The following ATAD5 variants were observed in gnomAD, a reference collection of about 807,000 sequenced individuals.
ATAD5 encodes ATPase family AAA domain containing 5.
A neutral mutation model predicts 176.9 loss-of-function variants in ATAD5; 58 were observed. The ratio of observed to expected loss-of-function variants is 0.33; its 90% CI spans 0.27 to 0.41. The LOEUF (loss-of-function observed/expected upper bound fraction) is 0.41. ATAD5 is among the 10% of genes least tolerant of loss of function. The pLI, the probability that ATAD5 is intolerant of heterozygous loss-of-function variation, is 1.00. For synonymous variants in ATAD5, 640 were observed against 712.6 expected (o/e 0.90, Z 1.62); for missense variants, 1,789 against 2,094.1 (o/e 0.85, Z 2.84).
chr17:30,885,427 A>G lies in ATAD5; in HGVS notation c.4078-1765A>G, dbSNP rs1303850078. Among the ~76,000 whole-genome samples the G allele has an allele frequency of 5.3e-5, 8 of 151,818 alleles. No individual in the cohort carries two copies. The East Asian group carries it at 1.5e-3, about 29-fold the overall frequency. ...CTTTCCTTTGTTTTTTCTGCCTTTTATTTCTTTTTGTTGCCTTATTTCATT... is the reference window on the plus strand; with the variant it reads ...CTTTCCTTTGTTTTTTCTGCCTTTTGTTTCTTTTTGTTGCCTTATTTCATT... On this transcript the variant is annotated intron_variant, in intron 18 of 22. Coordinates refer to ENST00000321990, the MANE Select transcript of ATAD5 (RefSeq NM_024857.5).
chr17:30,841,223 T>C (rs910240032), intron 4 of ATAD5, among the ~76,000 whole-genome samples: 3 of 152,166 alleles, frequency 2.0e-5, no homozygotes, highest in Non-Finnish European at 2.9e-5. Flanking sequence ...TTGGCCAGGC[T>C]GGTTTTGAAC....
chr17:30,861,124 T>C (rs926004552), intron 10 of ATAD5, among the ~76,000 whole-genome samples: 28 of 151,592 alleles, frequency 1.8e-4, no homozygotes, highest in African/African-American at 6.5e-4. Flanking sequence ...ATTTTTATAT[T>C]TTTAGTAGAG....
chr17:30,877,937 T>TG, intron 16 of ATAD5, 66 bp from the exon 17 acceptor site: 1 of 1,132,178 alleles, frequency 8.8e-7, no homozygotes, highest in Non-Finnish European at 1.3e-6. Flanking sequence ...ACATAGAATA[T>TG]TTACTATGTA....
chr17:30,892,926 C>G (rs1389143361), intron 20 of ATAD5, 138 bp downstream of exon 20: 2 of 711,946 alleles, frequency 2.8e-6, no homozygotes, highest in African/African-American at 3.7e-5. Context: ...CTGATTTTAA[C>G]ACATCCTACC....
intron 20 of ATAD5, 88 bp from the exon 21 acceptor site, chr17:30,893,206 A>T (rs1909726887): frequency 1.5e-6 from 2 of 1,342,086 alleles, no homozygotes; most frequent in Non-Finnish European, 2.0e-6. Context: ...TTGAATTTAG[A>T]ATAGGGATAA....
chr17:30,853,034 C>T (rs1430210223), intron 6 of ATAD5, among the ~76,000 whole-genome samples: 1 of 151,760 alleles, frequency 6.6e-6, no homozygotes, highest in Non-Finnish European at 1.5e-5. Context: ...GGATTACAGG[C>T]GCCTGCCACC....
chr17:30,850,371 T>C (rs1436111501), intron 6 of ATAD5, among the ~76,000 whole-genome samples: 1 of 151,376 alleles, frequency 6.6e-6, no homozygotes, highest in African/African-American at 2.4e-5. Flanking sequence ...CTTTTTTTTT[T>C]TTTTTTAAAG....
intron 14 of ATAD5, among the ~76,000 whole-genome samples, chr17:30,873,508 C>T (rs1387467562): frequency 6.6e-6 from 1 of 151,488 alleles, no homozygotes; most frequent in East Asian, 1.9e-4. Context: ...AGTAGAGACA[C>T]GGTTTCACCA....
intron 10 of ATAD5, among the ~76,000 whole-genome samples, 173 bp from the exon 11 acceptor site, chr17:30,865,531 G>T (rs1211888794): frequency 6.6e-6 from 1 of 151,988 alleles, no homozygotes; most frequent in Non-Finnish European, 1.5e-5. Flanking sequence ...GAAGGGTTTG[G>T]TGTGAAGAAT....
chr17:30,873,689 CTTTT>C (rs775055653), intron 14 of ATAD5, among the ~76,000 whole-genome samples: 17 of 129,582 alleles, frequency 1.3e-4, no homozygotes, highest in Admixed American at 7.9e-4. Flanking sequence ...TAAAAATTGC[CTTTT>C]TTTTTTTTTT....
Position 30,894,079 on chromosome 17 carries a change from C to G in ATAD5, c.5226C>G (p.Thr1742=), listed in dbSNP as rs1254750835. Residue 1742 remains threonine (T), a synonymous_variant, in exon 21 of 23, where the codon ACC becomes ACG. Transcript: ENST00000321990. The stretch of plus-strand genomic sequence containing the variant: ...GCAAGAAATTAGGAAGAGATCCAAC[C>G]AACGATCTTACTTTTTATGTTTCAC... ...NSCKKLGRDP[T]NDLTFYVSQK... is the part of the protein sequence containing the mutation. 6.2e-7 allele frequency: 1 copy of G among 1,607,066 alleles called. No homozygotes were observed. Among genetic ancestry groups the G allele is most frequent in the South Asian group, 1.1e-5 (1 of 90,502 alleles).
chr17:30,879,485 C>T lies in ATAD5; in HGVS notation c.4075C>T (p.Leu1359=), dbSNP rs774455157. The change falls in exon 18 of 23, where the codon CTG becomes TTG. Residue 1359 remains leucine, a splice_region_variant and synonymous_variant. Coordinates refer to ENST00000321990, the MANE Select transcript of ATAD5 (RefSeq NM_024857.5). ...AGAAATCAAGTTCAGTACTCCTTCC[C>T]TGGTAAGTTTTAAATTTTGATAGCC... ...FEEIKFSTPS[L]LNVASYLQMI... 8.8e-6 allele frequency: 14 copies of T among 1,586,770 alleles called. No individual in the cohort carries two copies. The Middle Eastern group carries it at 1.5e-3, about 171-fold the overall frequency.
chr17:30,869,638 A>G lies in ATAD5; in HGVS notation c.3599A>G (p.Lys1200Arg). ...PCFFNSYYIG[K>R]SPKKISSPKK... Reference sequence around the variant, plus strand: ...TTTTTTAATAGCTACTACATAGGCAAGTCACCAAGTAAGTAAACTATTTTC... The same window carrying G: ...TTTTTTAATAGCTACTACATAGGCAGGTCACCAAGTAAGTAAACTATTTTC... Residue 1200 changes from lysine to arginine, a missense_variant, in exon 14 of 23, where the codon AAG becomes AGG. Physicochemically the swap from Lys to Arg is conservative, Grantham distance 26 (BLOSUM62 2). This residue lies in a region of ATAD5 where 194 missense variants were observed against 270.1 expected (regional missense o/e 0.72). Transcript: ENST00000321990. 6.3e-7 allele frequency: 1 copy of G among 1,587,468 alleles called. No homozygotes were observed. Among genetic ancestry groups the G allele is most frequent in the Non-Finnish European group, 8.5e-7 (1 of 1,173,496 alleles).
At chr17:30,850,861 ATATATATATTTTTTTTTTTTTTTTTTTT>A (rs1906895891) in intron 6 of ATAD5, among the ~76,000 whole-genome samples, 1 of 26,178 alleles carries the variant, frequency 3.8e-5, no homozygotes, top group African/African-American at 1.3e-4. Context: ...ATATATATAT[ATATATATATTTTTTTTTTTTTTTTTTTT>A]TTTTTTTTTT....
chr17:30,832,548 A>G, intron 1 of ATAD5, 135 bp downstream of exon 1: 4 of 833,088 alleles, frequency 4.8e-6, no homozygotes, highest in Non-Finnish European at 6.8e-6. Flanking sequence ...GCTGTGACAC[A>G]TTGTGTGCAA....
intron 18 of ATAD5, among the ~76,000 whole-genome samples, chr17:30,885,536 C>T (rs1206396914): frequency 2.7e-5 from 4 of 150,310 alleles, no homozygotes; most frequent in Non-Finnish European, 4.4e-5. Context: ...AAAGTGTTTA[C>T]TATTTTACTG....
At chr17:30,834,015 A>G (rs1210352921) in intron 1 of ATAD5, 133 bp from the exon 2 acceptor site, 2 of 747,420 alleles carry the variant, frequency 2.7e-6, no homozygotes, top group African/African-American at 1.9e-5. Context: ...TCTTTCTAAT[A>G]TATCACGTTT....
chr17:30,892,701 T>C lies in ATAD5; in HGVS notation c.4353T>C (p.Leu1451=). Residue 1451 remains leucine, a synonymous_variant, in exon 20 of 23, where the codon CTT becomes CTC. Coordinates refer to ENST00000321990, the MANE Select transcript of ATAD5 (RefSeq NM_024857.5). Reference sequence around the variant, plus strand: ...ATACTAAAAAGAAACGTGTAGACCTTCCAAAATGTGACAGTGGCTGTGCTG... The same window carrying C: ...ATACTAAAAAGAAACGTGTAGACCTCCCAAAATGTGACAGTGGCTGTGCTG... ...PKNTKKKRVD[L]PKCDSGCAET... 1 of 1,606,920 alleles carries C rather than the reference T, an allele frequency of 6.2e-7. No homozygotes were observed.
chr17:30,862,920 A>G (rs2142379382), intron 10 of ATAD5: 1 of 152,080 alleles, frequency 6.6e-6, no homozygotes, highest in African/African-American at 2.4e-5. Context: ...GCCAGGCACC[A>G]TGGCTCATCC....
Sources: gnomAD v4.1 joint callset for allele counts (sites outside exome capture counted in the v4.1 genomes callset) on GRCh38, gnomAD v4.1.1 for gene constraint, gnomAD v4.1.1 regional missense constraint, MANE v1.5 for transcripts, NCBI Gene and HGNC (gene_info 2026-07-23, HGNC 2026-07-21) for gene names.